Variants in ZNF514 observed in about 807,000 individuals in gnomAD.
ZNF514 encodes the protein zinc finger protein 514.
Under a neutral mutation model 9.7 loss-of-function variants are expected in ZNF514, and 12 were observed. The observed-to-expected ratio is 1.24, with a 90% CI of 0.79 to 2.01. ZNF514 has a LOEUF of 2.01. Ranked by LOEUF, ZNF514 falls within the 30% of genes most tolerant of loss-of-function variation. The probability of loss-of-function intolerance (pLI) is 0.00; values close to 1 mark genes in which losing one functional copy is unlikely to be tolerated. For synonymous variants in ZNF514, 158 were observed against 163.7 expected (o/e 0.97, Z 0.27); for missense variants, 467 against 465.5 (o/e 1.00, Z -0.03).
At position 95,153,205 on chromosome 2, in the gene ZNF514, G is replaced by A; in HGVS notation, c.49C>T (p.Gln17Ter). 6.2e-7 allele frequency: 1 copy of A among 1,613,982 alleles called. No individual in the cohort carries two copies. The highest frequency in any genetic ancestry group is 1.1e-5 in the South Asian group (1 of 91,064). ...AVEFSQWEWG[Q>*]LNPAQKDLYR... ...AGGTCCTTCTGAGCAGGGTTCAGCT[G>A]CCCCCACTCCCACTGGCTGAATTCC... Residue 17 changes from glutamine to a stop codon, truncating the protein, a stop_gained, in exon 3 of 5, where the codon CAG becomes TAG. Coordinates refer to ENST00000295208, the MANE Select transcript of ZNF514 (RefSeq NM_032788.3). LOFTEE classifies it high-confidence loss of function.
Position 95,149,224 on chromosome 2 carries a change from TC to T in ZNF514, c.*57del. 11 of 1,512,710 alleles carry T rather than the reference TC, an allele frequency of 7.3e-6. No individual in the cohort carries two copies. Among genetic ancestry groups the T allele is most frequent in the Non-Finnish European group, 9.7e-6 (11 of 1,132,468 alleles). The allele number at this position is 1,512,710 out of a possible 1,614,324, so 93.7% of individuals were successfully genotyped here. A position where few individuals can be genotyped will look rare whatever the true frequency, so the allele number is the denominator to read the frequency against. ...TTTAGGATCTCTCTCTGATATGAAT[TC>T]TTTAAGTTCCAGTGATGTCTGCACT... On this transcript the variant is annotated 3_prime_UTR_variant, in exon 5 of 5. Coordinates refer to ENST00000295208, the MANE Select transcript of ZNF514 (RefSeq NM_032788.3).
Position 95,146,104 on chromosome 2 carries a change from G to T in ZNF514, c.*3178C>A, listed in dbSNP as rs1673351654. 6.6e-6 allele frequency among the ~76,000 whole-genome samples: 1 copy of T among 152,150 alleles called. No individual in the cohort carries two copies. The highest frequency in any genetic ancestry group is 1.9e-4 in the East Asian group (1 of 5,198). On this transcript the variant is annotated 3_prime_UTR_variant, in exon 5 of 5. Coordinates refer to ENST00000295208, the MANE Select transcript of ZNF514 (RefSeq NM_032788.3). ...AAGAGTCTGTTTTTGTTAGTCTTAA[G>T]GTCTCTGTTTTAAGGCAAATGCTGG...
chr2:95,153,033 C>A (rs1478842942), intron 3 of ZNF514, 100 bp downstream of exon 3: 4 of 1,486,504 alleles, frequency 2.7e-6, no homozygotes, highest in Non-Finnish European at 3.6e-6. Context: ...CAAGGAAACC[C>A]AGGGCCAAAC....
At chr2:95,126,753 G>A in the ZNF514 span, among the ~76,000 whole-genome samples, 1 of 151,930 alleles carries the variant, frequency 6.6e-6, no homozygotes, top group Non-Finnish European at 1.5e-5. Flanking sequence ...TTCTACATGT[G>A]AGCCCATTTT....
At chr2:95,153,432 C>T (rs558740978) in intron 2 of ZNF514, 173 bp from the exon 3 acceptor site, 3 of 517,332 alleles carry the variant, frequency 5.8e-6, no homozygotes, top group South Asian at 1.4e-4. Flanking sequence ...AATCTAGTTA[C>T]ATTTAATTGG....
rs1338927269 is a variant in ZNF514 at position 95,147,488 on chromosome 2, C to A, written c.*1794G>T. ...GTCACCCTAAAAAGATTCCTTGTAACATTTGCAGTTACTTTGTTTCTGAAG... is the reference window on the plus strand; with the variant it reads ...GTCACCCTAAAAAGATTCCTTGTAAAATTTGCAGTTACTTTGTTTCTGAAG... On this transcript the variant is annotated 3_prime_UTR_variant, in exon 5 of 5. Transcript: ENST00000295208. 2 of 152,136 alleles carry A rather than the reference C, an allele frequency of 1.3e-5. No homozygotes were observed. The highest frequency in any genetic ancestry group is 4.8e-5 in the African/African-American group (2 of 41,442). The allele number at this position is 152,136 out of a possible 1,614,324, so 9.4% of individuals were successfully genotyped here.
intron 2 of ZNF514, chr2:95,153,820 A>T (rs1275567823): frequency 1.3e-5 from 2 of 152,216 alleles, no homozygotes; most frequent in Non-Finnish European, 2.9e-5. Context: ...GTCACCTTCA[A>T]TCTCAGTAAT....
At chr2:95,138,977 T>A in the ZNF514 span, among the ~76,000 whole-genome samples, 1 of 152,236 alleles carries the variant, frequency 6.6e-6, no homozygotes, top group African/African-American at 2.4e-5. Context: ...TATCTGCTGC[T>A]TTAGCTCCAG....
At chr2:95,157,638 G>A (rs1225276940) in intron 1 of ZNF514, among the ~76,000 whole-genome samples, 199 bp from the exon 2 acceptor site, 1 of 152,134 alleles carries the variant, frequency 6.6e-6, no homozygotes, top group Non-Finnish European at 1.5e-5. Flanking sequence ...GCTGCATGAG[G>A]CTCCCACCTG....
chr2:95,153,167 C>T lies in ZNF514; in HGVS notation c.87G>A (p.Val29=), dbSNP rs768657495. The change falls in exon 3 of 5, where the codon GTG becomes GTA. Residue 29 remains valine, a synonymous_variant. Coordinates refer to ENST00000295208, the MANE Select transcript of ZNF514 (RefSeq NM_032788.3). ...NPAQKDLYRE[V]MLENFRNLAI... Reference sequence around the variant, plus strand: ...CCAAGTTCCTGAAGTTCTCCAGCATCACCTCCCTGTAGAGGTCCTTCTGAG... The same window carrying T: ...CCAAGTTCCTGAAGTTCTCCAGCATTACCTCCCTGTAGAGGTCCTTCTGAG... The T allele has an allele frequency of 6.2e-7, 1 of 1,613,744 alleles. No individual in the cohort carries two copies. The highest frequency in any genetic ancestry group is 1.7e-5 in the Admixed American group (1 of 60,010).
chr2:95,150,411 T>C, intron 4 of ZNF514, 144 bp from the exon 5 acceptor site: 1 of 904,998 alleles, frequency 1.1e-6, no homozygotes, highest in South Asian at 2.1e-5. Flanking sequence ...TTTTCAATAA[T>C]GGCTTATGTC....
the ZNF514 span, among the ~76,000 whole-genome samples, chr2:95,124,581 A>G: frequency 6.6e-6 from 1 of 151,176 alleles, no homozygotes; most frequent in Non-Finnish European, 1.5e-5. Flanking sequence ...GCTCACTGCA[A>G]CCTCCGTCTC....
intron 2 of ZNF514, among the ~76,000 whole-genome samples, chr2:95,156,457 T>C (rs140423694): frequency 6.8e-4 from 104 of 152,302 alleles, no homozygotes; most frequent in African/African-American, 2.3e-3. Context: ...GGATGTAAAA[T>C]TGGGGTCCCT....
the ZNF514 span, among the ~76,000 whole-genome samples, chr2:95,127,968 C>T: frequency 6.6e-6 from 1 of 152,148 alleles, no homozygotes; most frequent in East Asian, 1.9e-4. Flanking sequence ...GAGCCATGGC[C>T]ACATGCAGTG....
rs1673389265 is a variant in ZNF514 at position 95,147,480 on chromosome 2, C to A, written c.*1802G>T. 1 of 152,150 alleles carries A rather than the reference C, an allele frequency of 6.6e-6. No individual in the cohort carries two copies. Among genetic ancestry groups the A allele is most frequent in the South Asian group, 2.1e-4 (1 of 4,830 alleles). The allele number at this position is 152,150 out of a possible 1,614,324, so 9.4% of individuals were successfully genotyped here. A position where few individuals can be genotyped will look rare whatever the true frequency, so the allele number is the denominator to read the frequency against. On this transcript the variant is annotated 3_prime_UTR_variant, in exon 5 of 5. Transcript: ENST00000295208. ...ACATTTTCGTCACCCTAAAAAGATT[C>A]CTTGTAACATTTGCAGTTACTTTGT...
rs1558701008 is a variant in ZNF514, at chr2:95,150,289, A to AAG, written c.218-23_218-22insCT. ...CAGTCTGTTAAAAAAAAAAAAAAAA[A>AAG]AAGAAGACATTCTAGTATGTAGAAT... On this transcript the variant is annotated intron_variant, in intron 4 of 4. Transcript: ENST00000295208. The AAG allele has an allele frequency of 4.6e-6, 7 of 1,524,658 alleles. No individual in the cohort carries two copies. In the African/African-American group the frequency reaches 5.6e-5, roughly 12 times the overall value. 94.4% of individuals were successfully genotyped at this position (1,524,658 alleles called of 1,614,324 possible). A position where few individuals can be genotyped will look rare whatever the true frequency, so the allele number is the denominator to read the frequency against.
the ZNF514 span, among the ~76,000 whole-genome samples, chr2:95,132,144 CAAAAAAAAA>C: frequency 6.0e-5 from 1 of 16,612 alleles, no homozygotes; most frequent in African/African-American, 2.3e-4. Flanking sequence ...GACTCTGTCT[CAAAAAAAAA>C]AAAAAAAAAA....
chr2:95,128,846 G>A, the ZNF514 span, among the ~76,000 whole-genome samples: 1 of 152,106 alleles, frequency 6.6e-6, no homozygotes, highest in Non-Finnish European at 1.5e-5. Context: ...ACAGCATCAA[G>A]GACACTGAAG....
chr2:95,144,950 A>G (rs978260998), downstream of ZNF514, among the ~76,000 whole-genome samples: 13 of 152,208 alleles, frequency 8.5e-5, no homozygotes, highest in Admixed American at 2.6e-4. Context: ...TAAAAGATGG[A>G]ACAGTGCTAA....
Sources: gnomAD v4.1 joint callset for allele counts (sites outside exome capture counted in the v4.1 genomes callset) on GRCh38, gnomAD v4.1.1 for gene constraint, MANE v1.5 for transcripts, NCBI Gene and HGNC (gene_info 2026-07-23, HGNC 2026-07-21) for gene names.